The following SLCO1B1 variants were observed in gnomAD, a reference collection of about 807,000 sequenced individuals.
The protein encoded by SLCO1B1 is OATP-2.
In SLCO1B1, 81 loss-of-function variants were observed where a neutral mutation model predicts 70.1. The ratio of observed to expected loss-of-function variants is 1.16; its 90% CI spans 0.97 to 1.39. The LOEUF (loss-of-function observed/expected upper bound fraction) is 1.39. Among genes scored for constraint, SLCO1B1 ranks in the 40% most tolerant of loss-of-function variants. The pLI is 0.00. For missense variants in SLCO1B1, 895 were observed against 799.6 expected, an observed-to-expected ratio of 1.12 and a Z score of -1.44; for synonymous variants, 283 against 271.5, an observed-to-expected ratio of 1.04 and a Z score of -0.42.
At chr12:21,204,138 G>T (rs1297993750) in intron 10 of SLCO1B1, among the ~76,000 whole-genome samples, 1 of 151,206 alleles carries the variant, frequency 6.6e-6, no homozygotes, top group East Asian at 1.9e-4. Flanking sequence ...ACTGGGATAA[G>T]TTTTTTTTTA....
intron 2 of SLCO1B1, among the ~76,000 whole-genome samples, chr12:21,151,943 G>T (rs1940475650): frequency 6.6e-6 from 1 of 151,328 alleles, no homozygotes; most frequent in Admixed American, 6.6e-5. Context: ...TACTAATTTG[G>T]GGAAATTCTC....
At chr12:21,180,637 G>A (rs1160225298) in intron 7 of SLCO1B1, among the ~76,000 whole-genome samples, 1 of 152,116 alleles carries the variant, frequency 6.6e-6, no homozygotes, top group Non-Finnish European at 1.5e-5. Flanking sequence ...GCCAGCAACA[G>A]CCAAAAACTT....
At chr12:21,222,030 C>T (rs1048532057) in intron 12 of SLCO1B1, among the ~76,000 whole-genome samples, 1 of 151,994 alleles carries the variant, frequency 6.6e-6, no homozygotes, top group Non-Finnish European at 1.5e-5. Context: ...GTTCTAACCA[C>T]TTCCTCATAG....
At chr12:21,215,311 G>A (rs1275267532) in intron 11 of SLCO1B1, among the ~76,000 whole-genome samples, 1 of 152,112 alleles carries the variant, frequency 6.6e-6, no homozygotes, top group African/African-American at 2.4e-5. Context: ...GTTGGCTGTG[G>A]TTTTATCATA....
chr12:21,199,791 T>C (rs1311671701), intron 8 of SLCO1B1, among the ~76,000 whole-genome samples: 1 of 142,362 alleles, frequency 7.0e-6, no homozygotes, highest in Non-Finnish European at 1.5e-5. Context: ...TTGGGTTTTT[T>C]TGTTTGTTTG....
At chr12:21,133,942 C>T (rs1940177886) in intron 1 of SLCO1B1, among the ~76,000 whole-genome samples, 1 of 152,074 alleles carries the variant, frequency 6.6e-6, no homozygotes, top group South Asian at 2.1e-4. Context: ...CAGTTTTTGC[C>T]CATTCAGTAT....
At chr12:21,152,533 C>CGTTTTTTTTTTT (rs1940484938) in intron 2 of SLCO1B1, among the ~76,000 whole-genome samples, 1 of 34,356 alleles carries the variant, frequency 2.9e-5, no homozygotes, top group Non-Finnish European at 5.2e-5. Context: ...AGAGGAGAGG[C>CGTTTTTTTTTTT]TTTTTTTTTT....
At chr12:21,171,924 C>A (rs1940759827) in intron 2 of SLCO1B1, among the ~76,000 whole-genome samples, 1 of 152,028 alleles carries the variant, frequency 6.6e-6, no homozygotes, top group South Asian at 2.1e-4. Flanking sequence ...GGGCTCCATT[C>A]TCATGACCTA....
chr12:21,191,612 G>A lies in SLCO1B1; in HGVS notation c.728-5334G>A, dbSNP rs146311473. 7.5e-3 allele frequency among the ~76,000 whole-genome samples: 1,140 copies of A among 152,112 alleles called. 11 individuals are homozygous for A. Among genetic ancestry groups the A allele is most frequent in the Middle Eastern group, 0.024 (7 of 294 alleles). ...AATTTTACTTCTTTCTTTCAAGTTTGAATGTCTTTTATTTCTTTTTCTTGG... is the reference window on the plus strand; with the variant it reads ...AATTTTACTTCTTTCTTTCAAGTTTAAATGTCTTTTATTTCTTTTTCTTGG... On this transcript the variant is annotated intron_variant, in intron 7 of 14. Coordinates refer to ENST00000256958, the MANE Select transcript of SLCO1B1 (RefSeq NM_006446.5).
At chr12:21,225,917 A>G (rs562247114) in intron 14 of SLCO1B1, among the ~76,000 whole-genome samples, 37 of 152,336 alleles carry the variant, frequency 2.4e-4, no homozygotes, top group South Asian at 2.1e-3. Flanking sequence ...AAGTTAGATG[A>G]AAACATGACC....
rs796460845 is a variant in SLCO1B1, at chr12:21,146,536, T to C, written c.84+4878T>C. Among the ~76,000 whole-genome samples the C allele has an allele frequency of 3.3e-5, 5 of 152,156 alleles. No homozygotes were observed. In the South Asian group the frequency reaches 1.0e-3, roughly 31 times the overall value. On this transcript the variant is annotated intron_variant, in intron 2 of 14. Transcript: ENST00000256958. ...TTTTCCCAAGGTGGAAACTTAGATA[T>C]TGATTTTAGCATTTTCTTGTTTTCT...
chr12:21,219,438 G>A (rs1306086856), intron 12 of SLCO1B1, among the ~76,000 whole-genome samples: 1 of 152,178 alleles, frequency 6.6e-6, no homozygotes, highest in African/African-American at 2.4e-5. Context: ...GAGGTGACAA[G>A]TGCAGCAAGA....
At chr12:21,134,442 G>A (rs577479764) in intron 1 of SLCO1B1, among the ~76,000 whole-genome samples, 38 of 152,082 alleles carry the variant, frequency 2.5e-4, no homozygotes, top group Non-Finnish European at 4.6e-4. Context: ...GGTAGAATTC[G>A]GCTGTGAATC....
At chr12:21,226,895 A>C (rs1941487962) in intron 14 of SLCO1B1, among the ~76,000 whole-genome samples, 1 of 152,184 alleles carries the variant, frequency 6.6e-6, no homozygotes, top group Admixed American at 6.5e-5. Context: ...TTCTATTAAA[A>C]AAAATCAAGT....
At chr12:21,183,114 A>T (rs1021002577) in intron 7 of SLCO1B1, among the ~76,000 whole-genome samples, 1 of 152,232 alleles carries the variant, frequency 6.6e-6, no homozygotes, top group Non-Finnish European at 1.5e-5. Flanking sequence ...CTGAAAAACA[A>T]AAGAGTTATG....
rs577837287 is a variant in SLCO1B1 at position 21,136,455 on chromosome 12, C to T, written c.-61-5059C>T. On this transcript the variant is annotated intron_variant, in intron 1 of 14. Transcript: ENST00000256958. ...CAACTTGGTTCCCTTCTCCCCATCA[C>T]TTTCAGGTACACCAATCAGACGTAG... Among the ~76,000 whole-genome samples, 5 of 152,302 alleles carry T rather than the reference C, an allele frequency of 3.3e-5. No homozygotes were observed. The East Asian group carries it at 7.7e-4, about 23-fold the overall frequency.
chr12:21,201,675 T>C (rs1941159666), intron 9 of SLCO1B1, among the ~76,000 whole-genome samples: 1 of 152,156 alleles, frequency 6.6e-6, no homozygotes, highest in Non-Finnish European at 1.5e-5. Flanking sequence ...TGAAGTTCCA[T>C]AGGCAGAAAG....
chr12:21,205,977 T>G lies in SLCO1B1; in HGVS notation c.1441T>G (p.Tyr481Asp). ...EPVCGNNGITYISPCLAGCKS... is the reference protein window; with the variant it reads ...EPVCGNNGITDISPCLAGCKS... ...AGTCTGTGGAAACAATGGAATAACT[T>G]ACATCTCACCCTGTCTAGCAGGTTG... Residue 481 changes from tyrosine to aspartate, a missense_variant, in exon 11 of 15, where the codon TAC becomes GAC. Tyr to Asp is a radical substitution (Grantham distance 160). Coordinates refer to ENST00000256958, the MANE Select transcript of SLCO1B1 (RefSeq NM_006446.5). 1.2e-6 allele frequency: 2 copies of G among 1,612,332 alleles called. No homozygotes were observed. Among genetic ancestry groups the G allele is most frequent in the Non-Finnish European group, 8.5e-7 (1 of 1,178,740 alleles).
intron 14 of SLCO1B1, among the ~76,000 whole-genome samples, chr12:21,237,587 T>C (rs1480422568): frequency 6.6e-6 from 1 of 152,186 alleles, no homozygotes; most frequent in Non-Finnish European, 1.5e-5. Context: ...AATAACTTAT[T>C]TGTATATTTA....
Sources: allele counts gnomAD v4.1 joint callset (sites outside exome capture counted in the v4.1 genomes callset), GRCh38; gene constraint gnomAD v4.1.1; transcripts MANE v1.5; gene names NCBI Gene and HGNC (gene_info 2026-07-23, HGNC 2026-07-21).